Variants in EXOC6 observed in about 807,000 individuals in gnomAD.
The protein encoded by EXOC6 is exocyst complex component 6, also known as SEC15-like 1.
EXOC6 carries 60 observed loss-of-function variants against 112.5 expected under a neutral mutation model. That is an observed-to-expected ratio of 0.53 (90% CI 0.43 to 0.66). EXOC6 has a LOEUF of 0.66. Among genes scored for constraint, EXOC6 ranks in the 30% least tolerant of loss-of-function variants. EXOC6 has a pLI of 0.00. For synonymous variants in EXOC6, 295 were observed against 308.0 expected (o/e 0.96, Z 0.44); for missense variants, 855 against 957.1 (o/e 0.89, Z 1.41).
intron 1 of EXOC6, among the ~76,000 whole-genome samples, chr10:92,876,368 C>A (rs115059166): frequency 0.02 from 3,024 of 152,132 alleles, 105 homozygotes; most frequent in African/African-American, 0.07. Flanking sequence ...AAAGAAGGTA[C>A]CATTGTTATA....
chr10:92,986,174 A>G (rs1451233101), intron 18 of EXOC6, among the ~76,000 whole-genome samples: 2 of 152,140 alleles, frequency 1.3e-5, no homozygotes, highest in African/African-American at 4.8e-5. Context: ...TTGTTGACTG[A>G]CTTTTATTGA....
chr10:92,981,242 T>C (rs1564884159), intron 18 of EXOC6, among the ~76,000 whole-genome samples: 1 of 152,182 alleles, frequency 6.6e-6, no homozygotes, highest in Non-Finnish European at 1.5e-5. Flanking sequence ...GTAGAATAAG[T>C]TGTTGAGCAG....
At chr10:93,005,187 C>G (rs1193666699) in intron 19 of EXOC6, among the ~76,000 whole-genome samples, 1 of 152,094 alleles carries the variant, frequency 6.6e-6, no homozygotes, top group African/African-American at 2.4e-5. Context: ...TAGGTAGGAT[C>G]TATGTATGAA....
intron 18 of EXOC6, among the ~76,000 whole-genome samples, chr10:92,989,636 A>G (rs1453211659): frequency 6.6e-6 from 1 of 152,178 alleles, no homozygotes; most frequent in African/African-American, 2.4e-5. Context: ...TTAGGCTTTC[A>G]TTTGCCCTTT....
At chr10:92,869,647 T>TA (rs1848343437) in intron 1 of EXOC6, among the ~76,000 whole-genome samples, 1 of 152,172 alleles carries the variant, frequency 6.6e-6, no homozygotes, top group African/African-American at 2.4e-5. Flanking sequence ...TTTTTGCTCA[T>TA]ATATAAATGA....
chr10:92,969,879 A>G (rs542889590), intron 17 of EXOC6, among the ~76,000 whole-genome samples: 181 of 152,178 alleles, frequency 1.2e-3, no homozygotes, highest in African/African-American at 4.2e-3. Context: ...TTTTTGGTAG[A>G]GACAGGGTTT....
At chr10:93,022,377 G>A (rs1844829079) in intron 20 of EXOC6, among the ~76,000 whole-genome samples, 1 of 152,160 alleles carries the variant, frequency 6.6e-6, no homozygotes, top group South Asian at 2.1e-4. Context: ...TTTTGAGAAT[G>A]TAGTAAATAT....
chr10:92,976,836 A>G (rs186650105), intron 18 of EXOC6, among the ~76,000 whole-genome samples: 46 of 152,278 alleles, frequency 3.0e-4, no homozygotes, highest in African/African-American at 1.1e-3. Flanking sequence ...GGTTGATGAA[A>G]CATTAAAAAA....
At chr10:92,910,806 G>A (rs1461730693) in intron 6 of EXOC6, among the ~76,000 whole-genome samples, 2 of 152,084 alleles carry the variant, frequency 1.3e-5, no homozygotes, top group Non-Finnish European at 2.9e-5. Context: ...GCGGGCACCT[G>A]TAGTCCCAGC....
At chr10:92,906,329 T>C (rs1320900000) in intron 5 of EXOC6, among the ~76,000 whole-genome samples, 2 of 152,158 alleles carry the variant, frequency 1.3e-5, no homozygotes, top group African/African-American at 4.8e-5. Context: ...TGTAAATTTT[T>C]TTGTATGCAG....
At chr10:92,951,373 T>TA (rs1307811390) in intron 14 of EXOC6, among the ~76,000 whole-genome samples, 25 of 151,712 alleles carry the variant, frequency 1.6e-4, no homozygotes, top group African/African-American at 6.0e-4. Flanking sequence ...GGAAAAGAAA[T>TA]AGAGTAGGTA....
At chr10:92,982,136 A>C (rs1206817603) in intron 18 of EXOC6, among the ~76,000 whole-genome samples, 1 of 152,072 alleles carries the variant, frequency 6.6e-6, no homozygotes, top group African/African-American at 2.4e-5. Context: ...AAACAAAAAA[A>C]CCAGACATGA....
At chr10:92,981,579 A>G (rs757468436) in intron 18 of EXOC6, among the ~76,000 whole-genome samples, 4 of 152,208 alleles carry the variant, frequency 2.6e-5, no homozygotes, top group Non-Finnish European at 5.9e-5. Flanking sequence ...GGAATGATCA[A>G]TTTGTTCATT....
At chr10:92,919,942 G>A in intron 7 of EXOC6, 40 bp from the exon 8 acceptor site, 1 of 1,305,642 alleles carries the variant, frequency 7.7e-7, no homozygotes, top group African/African-American at 1.5e-5. Flanking sequence ...TGGTCTAATA[G>A]TTTGACCTAT....
intron 20 of EXOC6, among the ~76,000 whole-genome samples, chr10:93,050,502 G>C (rs1846228276): frequency 6.6e-6 from 1 of 151,976 alleles, no homozygotes; most frequent in Non-Finnish European, 1.5e-5. Flanking sequence ...GCTCACGCCT[G>C]TAATCCCAGC....
chr10:92,911,219 T>C (rs542963395), intron 6 of EXOC6, among the ~76,000 whole-genome samples: 51 of 152,286 alleles, frequency 3.3e-4, no homozygotes, highest in African/African-American at 4.6e-4. Flanking sequence ...GATTTTTTTT[T>C]CCCCCAAGTA....
upstream of EXOC6, among the ~76,000 whole-genome samples, chr10:92,834,208 A>G (rs962370661): frequency 6.6e-6 from 1 of 152,000 alleles, no homozygotes; most frequent in Non-Finnish European, 1.5e-5. Context: ...ATCACATCCC[A>G]TAGCACATTT....
chr10:93,013,701 T>C (rs1469080457), intron 19 of EXOC6, among the ~76,000 whole-genome samples: 2 of 152,266 alleles, frequency 1.3e-5, no homozygotes, highest in African/African-American at 2.4e-5. Flanking sequence ...TTTTACTTAT[T>C]GTCTGCATGT....
At chr10:92,864,519 C>G (rs1413735240) in intron 1 of EXOC6, among the ~76,000 whole-genome samples, 1 of 152,114 alleles carries the variant, frequency 6.6e-6, no homozygotes, top group East Asian at 1.9e-4. Flanking sequence ...AAGGGCTGCC[C>G]AGATAGCTGG....
Sources: allele counts gnomAD v4.1 joint callset (sites outside exome capture counted in the v4.1 genomes callset), GRCh38; gene constraint gnomAD v4.1.1; transcripts MANE v1.5; gene names NCBI Gene and HGNC (gene_info 2026-07-23, HGNC 2026-07-21).